The following PTGFRN variants were observed in gnomAD, a reference collection of about 807,000 sequenced individuals.
PTGFRN encodes prostaglandin F2 receptor inhibitor, also known as prostaglandin F2 receptor negative regulator.
A neutral mutation model predicts 83.2 loss-of-function variants in PTGFRN; 35 were observed. The observed-to-expected ratio is 0.42, with a 90% CI of 0.32 to 0.56. PTGFRN has a LOEUF of 0.56. PTGFRN is among the 20% of genes least tolerant of loss of function. The pLI is 0.11. For missense variants in PTGFRN, 1,051 were observed against 1,179.5 expected, an observed-to-expected ratio of 0.89 and a Z score of 1.60; for synonymous variants, 519 against 498.6, an observed-to-expected ratio of 1.04 and a Z score of -0.55.
At chr1:116,928,332 C>G (rs12087533) in intron 1 of PTGFRN, among the ~76,000 whole-genome samples, 12,533 of 152,168 alleles carry the variant, frequency 0.082, 744 homozygotes, top group East Asian at 0.16. Flanking sequence ...TCTGTTGAAC[C>G]TATTCTTCAT....
rs13951 is a variant in PTGFRN, at chr1:116,988,998, G to A, written c.*2031G>A. The stretch of plus-strand genomic sequence containing the variant: ...ACAAGTGAGAATTAAAGAGAGAACA[G>A]ATATTTAAACAGGTGCTGTATTAGT... On this transcript the variant is annotated 3_prime_UTR_variant, in exon 9 of 9. Coordinates refer to ENST00000393203, the MANE Select transcript of PTGFRN (RefSeq NM_020440.4). 65,991 of 152,060 alleles carry A rather than the reference G, an allele frequency of 0.43. 15,098 individuals carry two copies. Among genetic ancestry groups the A allele is most frequent in the East Asian group, 0.66 (3,424 of 5,160 alleles). 9.4% of individuals were successfully genotyped at this position (152,060 alleles called of 1,614,324 possible). A position where few individuals can be genotyped will look rare whatever the true frequency, so the allele number is the denominator to read the frequency against.
intron 4 of PTGFRN, among the ~76,000 whole-genome samples, chr1:116,953,140 T>C (rs745892276): frequency 4.6e-5 from 7 of 152,226 alleles, no homozygotes; most frequent in African/African-American, 7.2e-5. Flanking sequence ...ATATAAGAGC[T>C]GGAGGAGGCA....
chr1:116,962,693 T>C (rs1187051753), intron 5 of PTGFRN, among the ~76,000 whole-genome samples: 6 of 152,174 alleles, frequency 3.9e-5, no homozygotes, highest in Non-Finnish European at 8.8e-5. Context: ...CTGAAACCCC[T>C]CCACAGTCTC....
In PTGFRN at chr1:116,967,190, A is replaced by G; in HGVS notation, c.1919A>G (p.Tyr640Cys). 6.2e-7 allele frequency: 1 copy of G among 1,614,190 alleles called. No individual in the cohort carries two copies. Among genetic ancestry groups the G allele is most frequent in the Non-Finnish European group, 8.5e-7 (1 of 1,180,032 alleles). Residue 640 changes from tyrosine (Y) to cysteine (C), a missense_variant, in exon 6 of 9, where the codon TAT becomes TGT. Around this residue, in one of 3 missense-constraint regions of PTGFRN, gnomAD observed 719 missense variants for 836.6 expected, o/e 0.86. Coordinates refer to ENST00000393203, the MANE Select transcript of PTGFRN (RefSeq NM_020440.4). ...LEKVQEDEFR[Y>C]RMYQTQVSDA... ...AAAGTGCAGGAGGATGAGTTCCGCT[A>G]TCGAATGTACCAGACTCAGGTCTCA...
intron 1 of PTGFRN, among the ~76,000 whole-genome samples, chr1:116,928,045 T>C (rs1161224942): frequency 2.0e-5 from 3 of 152,196 alleles, no homozygotes; most frequent in Admixed American, 1.3e-4. Context: ...AGAAACAAGA[T>C]TTAAGTCTCT....
At chr1:116,946,914 T>C (rs1050717675) in intron 3 of PTGFRN, among the ~76,000 whole-genome samples, 8 of 152,258 alleles carry the variant, frequency 5.3e-5, no homozygotes, top group African/African-American at 1.9e-4. Flanking sequence ...TGAGTATACA[T>C]GATATTTCAG....
chr1:116,935,882 A>T (rs1277391886), intron 1 of PTGFRN, among the ~76,000 whole-genome samples: 2 of 152,180 alleles, frequency 1.3e-5, no homozygotes, highest in Admixed American at 6.5e-5. Flanking sequence ...TAGTGTCCTC[A>T]ATAGGACTTT....
intron 4 of PTGFRN, among the ~76,000 whole-genome samples, chr1:116,950,895 A>G (rs1376253117): frequency 2.6e-5 from 4 of 152,212 alleles, no homozygotes; most frequent in Non-Finnish European, 4.4e-5. Context: ...GAGAGTCACT[A>G]TGAAGTACTG....
intron 1 of PTGFRN, among the ~76,000 whole-genome samples, chr1:116,926,691 G>C (rs1649668278): frequency 6.6e-6 from 1 of 152,200 alleles, no homozygotes; most frequent in Middle Eastern, 3.4e-3. Flanking sequence ...TGCATGTAAG[G>C]TGTCTTTTTT....
chr1:116,946,815 C>G (rs1441653403), intron 3 of PTGFRN, among the ~76,000 whole-genome samples: 1 of 152,142 alleles, frequency 6.6e-6, no homozygotes, highest in Non-Finnish European at 1.5e-5. Flanking sequence ...ACTTGTAAAG[C>G]AAATTGATTT....
chr1:116,919,654 C>T (rs1431745876), intron 1 of PTGFRN, among the ~76,000 whole-genome samples: 2 of 152,238 alleles, frequency 1.3e-5, no homozygotes, highest in Non-Finnish European at 2.9e-5. Flanking sequence ...GGTGAAGTCA[C>T]TTGCTCAGGG....
intron 1 of PTGFRN, among the ~76,000 whole-genome samples, chr1:116,928,728 A>G (rs1649718074): frequency 6.6e-6 from 1 of 151,584 alleles, no homozygotes; most frequent in African/African-American, 2.4e-5. Context: ...TAGCATCTGA[A>G]CTCCTTTCTA....
chr1:116,982,869 G>A lies in PTGFRN; in HGVS notation c.2168-1811G>A, dbSNP rs111797758. ...ATCAGCCTAAGCCCGGCCTCTGGAG[G>A]GGGGAGGGTACAGGTGTGTGAATTT... On this transcript the variant is annotated intron_variant, in intron 7 of 8. Coordinates refer to ENST00000393203, the MANE Select transcript of PTGFRN (RefSeq NM_020440.4). Among the ~76,000 whole-genome samples, 41 of 152,268 alleles carry A rather than the reference G, an allele frequency of 2.7e-4. No homozygotes were observed. The South Asian group carries it at 4.4e-3, about 16-fold the overall frequency.
chr1:116,919,499 G>C (rs2101051491), intron 1 of PTGFRN, among the ~76,000 whole-genome samples: 1 of 152,256 alleles, frequency 6.6e-6, no homozygotes, highest in East Asian at 1.9e-4. Flanking sequence ...CCTGGCTGAA[G>C]TGATCCTCCC....
rs1330348254 is a variant in PTGFRN, at chr1:116,987,430, A to T, written c.*463A>T. The T allele has an allele frequency of 5.5e-6, 1 of 180,884 alleles. No homozygotes were observed. The highest frequency in any genetic ancestry group is 1.2e-5 in the Non-Finnish European group (1 of 85,774). The allele number at this position is 180,884 out of a possible 1,614,324, so 11.2% of individuals were successfully genotyped here. On this transcript the variant is annotated 3_prime_UTR_variant, in exon 9 of 9. Transcript: ENST00000393203. Reference sequence around the variant, plus strand: ...AGAGAGCTGCTGAGCGCCACCCTCTACCCGGCTGACAGACAACACAGACCT... The same window carrying T: ...AGAGAGCTGCTGAGCGCCACCCTCTTCCCGGCTGACAGACAACACAGACCT...
intron 4 of PTGFRN, among the ~76,000 whole-genome samples, chr1:116,955,748 A>G (rs1381983855): frequency 2.0e-5 from 3 of 152,224 alleles, no homozygotes. Context: ...TTTTATGTAC[A>G]AGGCACTGCA....
At chr1:116,921,664 G>A (rs368989789) in intron 1 of PTGFRN, among the ~76,000 whole-genome samples, 8 of 151,988 alleles carry the variant, frequency 5.3e-5, no homozygotes, top group African/African-American at 1.7e-4. Context: ...CAGCATTAAG[G>A]GAATATTGAC....
intron 1 of PTGFRN, among the ~76,000 whole-genome samples, chr1:116,916,521 C>T (rs1483756245): frequency 1.3e-5 from 2 of 152,192 alleles, no homozygotes; most frequent in Non-Finnish European, 2.9e-5. Flanking sequence ...GCTTATGGGC[C>T]TCAGTAAGGG....
chr1:116,946,509 G>T (rs763038332), intron 3 of PTGFRN, among the ~76,000 whole-genome samples: 34 of 152,194 alleles, frequency 2.2e-4, no homozygotes, highest in Non-Finnish European at 4.0e-4. Context: ...AAGAGTTTCA[G>T]CTGTGTAGAA....
Sources: allele counts gnomAD v4.1 joint callset (sites outside exome capture counted in the v4.1 genomes callset), GRCh38; gene constraint gnomAD v4.1.1; regional missense constraint gnomAD v4.1.1; transcripts MANE v1.5; gene names NCBI Gene and HGNC (gene_info 2026-07-23, HGNC 2026-07-21).